The following ENTHD1 variants were observed in gnomAD, a reference collection of about 807,000 sequenced individuals.
ENTHD1 encodes the protein ENTH domain containing 1, also known as ENTH domain-containing protein 1.
In ENTHD1, 23 loss-of-function variants were observed where a neutral mutation model predicts 39.1. The ratio of observed to expected loss-of-function variants is 0.59; its 90% CI spans 0.42 to 0.83. The LOEUF (loss-of-function observed/expected upper bound fraction) is 0.83. ENTHD1 is among the 40% of genes least tolerant of loss of function. The pLI is 0.00. For missense variants in ENTHD1, 624 were observed against 705.4 expected (o/e 0.88, Z 1.31); for synonymous variants, 230 against 258.2 (o/e 0.89, Z 1.05).
chr22:39,765,411 C>T lies in ENTHD1; in HGVS notation c.1031G>A (p.Ser344Asn). 2 of 1,613,978 alleles carry T rather than the reference C, an allele frequency of 1.2e-6. No individual in the cohort carries two copies. Among genetic ancestry groups the T allele is most frequent in the East Asian group, 2.2e-5 (1 of 44,864 alleles). The change falls in exon 6 of 7, where the codon AGC becomes AAC. Residue 344 changes from serine (S) to asparagine (N), a missense_variant. Physicochemically the swap from Ser to Asn is conservative, Grantham distance 46. Transcript: ENST00000325157. ...ACWSSKEEFI[S>N]PDLRVSKSDS... ...TGACTTTGATACCCTTAAGTCGGGG[C>T]TGATAAACTCCTCTTTACTTGACCA...
At chr22:39,846,213 C>CT (rs768193601) in intron 3 of ENTHD1, among the ~76,000 whole-genome samples, 44 of 152,096 alleles carry the variant, frequency 2.9e-4, no homozygotes, top group Non-Finnish European at 5.4e-4. Context: ...GGAAAAGTTT[C>CT]TTTTTGAGAC....
At chr22:39,878,474 G>A (rs1308382455) in intron 2 of ENTHD1, among the ~76,000 whole-genome samples, 1 of 146,564 alleles carries the variant, frequency 6.8e-6, no homozygotes, top group South Asian at 2.1e-4. Flanking sequence ...CATTAAGCAG[G>A]ATAAATGGAA....
intron 5 of ENTHD1, among the ~76,000 whole-genome samples, chr22:39,792,193 A>G (rs565034462): frequency 6.6e-6 from 1 of 152,328 alleles, no homozygotes; most frequent in East Asian, 1.9e-4. Flanking sequence ...TGCTGCAATG[A>G]ACATACGTGT....
At chr22:39,812,137 G>C (rs1213302562) in intron 5 of ENTHD1, among the ~76,000 whole-genome samples, 5 of 152,058 alleles carry the variant, frequency 3.3e-5, no homozygotes, top group African/African-American at 1.2e-4. Flanking sequence ...CCTACACCTA[G>C]AGCTAGAGCT....
intron 5 of ENTHD1, among the ~76,000 whole-genome samples, chr22:39,766,757 A>G (rs137998433): frequency 6.6e-5 from 10 of 152,282 alleles, no homozygotes; most frequent in African/African-American, 2.4e-4. Context: ...GTCTCTATAA[A>G]GCTTCCTTTT....
At chr22:39,809,426 A>C (rs1249537311) in intron 5 of ENTHD1, among the ~76,000 whole-genome samples, 1 of 152,198 alleles carries the variant, frequency 6.6e-6, no homozygotes, top group Non-Finnish European at 1.5e-5. Flanking sequence ...GTTGATTTTG[A>C]ATAAAATGTC....
chr22:39,878,383 GGA>G (rs2066308506), intron 2 of ENTHD1, among the ~76,000 whole-genome samples: 1 of 152,070 alleles, frequency 6.6e-6, no homozygotes, highest in East Asian at 1.9e-4. Context: ...CACAGTAACA[GGA>G]GAAATATGTG....
chr22:39,845,933 T>C (rs2146694514), intron 3 of ENTHD1, among the ~76,000 whole-genome samples: 1 of 151,944 alleles, frequency 6.6e-6, no homozygotes, highest in South Asian at 2.1e-4. Context: ...TACAAAACTA[T>C]AGTAATCAAA....
intron 5 of ENTHD1, among the ~76,000 whole-genome samples, chr22:39,776,157 C>T (rs1003257181): frequency 2.0e-5 from 3 of 152,110 alleles, no homozygotes; most frequent in Non-Finnish European, 2.9e-5. Flanking sequence ...CCTTCAAAAG[C>T]GCTGGGATTA....
chr22:39,885,361 G>A (rs1222289010), intron 2 of ENTHD1, among the ~76,000 whole-genome samples: 1 of 152,172 alleles, frequency 6.6e-6, no homozygotes, highest in African/African-American at 2.4e-5. Context: ...AACAAGTGTT[G>A]GCAGGAATAC....
At position 39,743,631 on chromosome 22, in the gene ENTHD1, G is replaced by A. The variant is rs1417568577; in HGVS notation, c.*48C>T. On this transcript the variant is annotated 3_prime_UTR_variant, in exon 7 of 7. Transcript: ENST00000325157. ...TTTATACAATGCTAACGTAAGTCTT[G>A]GGGAAGTGGAACCACACGAGTTCTA... 1 of 1,523,998 alleles carries A rather than the reference G, an allele frequency of 6.6e-7. No homozygotes were observed. 94.4% of individuals were successfully genotyped at this position (1,523,998 alleles called of 1,614,324 possible).
chr22:39,781,666 A>G (rs1017185379), intron 5 of ENTHD1, among the ~76,000 whole-genome samples: 2 of 152,120 alleles, frequency 1.3e-5, no homozygotes, highest in African/African-American at 4.8e-5. Flanking sequence ...AAGATCAGAG[A>G]GAACTAAACA....
At chr22:39,786,305 C>T (rs986619713) in intron 5 of ENTHD1, among the ~76,000 whole-genome samples, 2 of 152,118 alleles carry the variant, frequency 1.3e-5, no homozygotes, top group Non-Finnish European at 2.9e-5. Flanking sequence ...ATGTTTTGAT[C>T]GTATATACAT....
chr22:39,802,575 G>T (rs951390567), intron 5 of ENTHD1, among the ~76,000 whole-genome samples: 3 of 152,188 alleles, frequency 2.0e-5, no homozygotes, highest in East Asian at 1.9e-4. Context: ...GCAGGGGAAG[G>T]TTCAAGTAGT....
At chr22:39,859,472 G>A (rs180726261) in intron 3 of ENTHD1, among the ~76,000 whole-genome samples, 1 of 152,190 alleles carries the variant, frequency 6.6e-6, no homozygotes, top group Non-Finnish European at 1.5e-5. Context: ...ATTAAAGTGA[G>A]AAACCTGCGA....
intron 5 of ENTHD1, among the ~76,000 whole-genome samples, chr22:39,766,371 G>A (rs1242164824): frequency 6.6e-6 from 1 of 152,138 alleles, no homozygotes; most frequent in African/African-American, 2.4e-5. Flanking sequence ...TGAAACTGAA[G>A]GTGGGCCTGA....
rs755770086 is a variant in ENTHD1 at position 39,792,200 on chromosome 22, G to A, written c.833-26591C>T. On this transcript the variant is annotated intron_variant, in intron 5 of 6. Transcript: ENST00000325157. Reference sequence around the variant, plus strand: ...GTGAATAGTGCTGCAATGAACATACGTGTACATGTGTCTTTATGGCAGGAT... The same window carrying A: ...GTGAATAGTGCTGCAATGAACATACATGTACATGTGTCTTTATGGCAGGAT... Among the ~76,000 whole-genome samples the A allele has an allele frequency of 2.0e-5, 3 of 152,232 alleles. No homozygotes were observed. In the East Asian group the frequency reaches 5.8e-4, roughly 29 times the overall value.
chr22:39,824,255 G>A (rs995201203), intron 4 of ENTHD1, among the ~76,000 whole-genome samples: 2 of 135,432 alleles, frequency 1.5e-5, no homozygotes, highest in Non-Finnish European at 3.0e-5. Context: ...TGTCACCCAG[G>A]CTGGAGTGCA....
At chr22:39,802,053 G>A (rs1177313737) in intron 5 of ENTHD1, among the ~76,000 whole-genome samples, 1 of 152,104 alleles carries the variant, frequency 6.6e-6, no homozygotes, top group Non-Finnish European at 1.5e-5. Flanking sequence ...CAACTCAAAT[G>A]TAACAAGACA....
Sources: allele counts gnomAD v4.1 joint callset (sites outside exome capture counted in the v4.1 genomes callset), GRCh38; gene constraint gnomAD v4.1.1; transcripts MANE v1.5; gene names NCBI Gene and HGNC (gene_info 2026-07-23, HGNC 2026-07-21).